Variants in CLCN5 observed in about 807,000 individuals in gnomAD.
The protein encoded by CLCN5 is Cl-/H+ antiporter 5.
A neutral mutation model predicts 54.0 loss-of-function variants in CLCN5; 17 were observed. The observed-to-expected ratio is 0.31, with a 90% CI of 0.22 to 0.47. CLCN5 has a LOEUF of 0.47. CLCN5 is among the 20% of genes least tolerant of loss of function. CLCN5 has a pLI of 1.00. For synonymous variants in CLCN5, 222 were observed against 233.0 expected (o/e 0.95, Z 0.43); for missense variants, 448 against 646.7 (o/e 0.69, Z 3.33).
intron 3 of CLCN5, among the ~76,000 whole-genome samples, chrX:49,973,148 T>C (rs900956951): frequency 9.0e-6 from 1 of 111,377 alleles, no homozygotes; most frequent in Non-Finnish European, 1.9e-5. Context: ...GATTGTCCCC[T>C]CACCCATCTC....
In CLCN5 at chrX:50,086,722, T is replaced by C; in HGVS notation, c.1409T>C (p.Leu470Pro). ...NDCGLLDSSK[L>P]CDYENRFNTS... Reference sequence around the variant, plus strand: ...TGTGGCCTTCTGGACTCCTCCAAGCTCTGTGATTATGAGAACCGTTTCAAC... The same window carrying C: ...TGTGGCCTTCTGGACTCCTCCAAGCCCTGTGATTATGAGAACCGTTTCAAC... Residue 470 changes from leucine (L) to proline (P), a missense_variant, in exon 11 of 15, where the codon CTC (leucine) becomes CCC (proline). By Grantham distance (98) the Leu-to-Pro change is moderately conservative. Transcript: ENST00000376091. 1 of 1,211,007 alleles carries C rather than the reference T, an allele frequency of 8.3e-7. No individual in the cohort carries two copies. Among genetic ancestry groups the C allele is most frequent in the Non-Finnish European group, 1.1e-6 (1 of 895,464 alleles).
At chrX:50,011,711 A>G (rs781975430) in intron 3 of CLCN5, among the ~76,000 whole-genome samples, 2 of 112,579 alleles carry the variant, frequency 1.8e-5, no homozygotes, top group African/African-American at 6.4e-5. Context: ...GCTGCTCTGT[A>G]TAGGAGAGAT....
At chrX:49,972,850 C>T (rs1378756470) in intron 3 of CLCN5, among the ~76,000 whole-genome samples, 1 of 111,893 alleles carries the variant, frequency 8.9e-6, no homozygotes, top group Non-Finnish European at 1.9e-5. Flanking sequence ...AAGTGATCAT[C>T]ATTCTTAAAC....
At chrX:49,996,294 T>A (rs1378857509) in intron 3 of CLCN5, among the ~76,000 whole-genome samples, 1 of 111,718 alleles carries the variant, frequency 9.0e-6, no homozygotes, top group African/African-American at 3.3e-5. Context: ...CACACCCCAT[T>A]ACTTCCTTTC....
At chrX:49,960,615 G>C (rs1557174531) in intron 3 of CLCN5, among the ~76,000 whole-genome samples, 2 of 109,351 alleles carry the variant, frequency 1.8e-5, no homozygotes, top group Non-Finnish European at 3.8e-5. Flanking sequence ...ATTTCCATGG[G>C]TACTTTCATC....
intron 7 of CLCN5, among the ~76,000 whole-genome samples, chrX:50,078,911 C>T (rs1933556324): frequency 8.9e-6 from 1 of 111,911 alleles, no homozygotes; most frequent in African/African-American, 3.3e-5. Flanking sequence ...CAAGCTCCGC[C>T]TCCCGGGTTC....
rs144207967 is a variant in CLCN5, at chrX:50,090,706, C to G, written c.2180C>G (p.Thr727Ser). 1.8e-4 allele frequency: 220 copies of G among 1,208,553 alleles called. No individual in the cohort carries two copies. The African/African-American group carries it at 3.5e-3, about 19-fold the overall frequency. Reference protein sequence around the residue: ...ARKKQDGVVSTSIIYFTEHSP... With the variant: ...ARKKQDGVVSSSIIYFTEHSP... ...AAGAAACAGGATGGGGTTGTTAGCA[C>G]TTCCATCATTTATTTCACGGAGCAT... The change falls in exon 14 of 15, where the codon ACT (threonine) becomes AGT (serine). Residue 727 changes from threonine to serine, a missense_variant. This residue lies in a region of CLCN5 where 297 missense variants were observed against 470.4 expected (regional missense o/e 0.63). Coordinates refer to ENST00000376091, the MANE Select transcript of CLCN5 (RefSeq NM_001127898.4).
intron 7 of CLCN5, 84 bp from the exon 8 acceptor site, chrX:50,080,510 C>G: frequency 8.7e-5 from 51 of 588,779 alleles, no homozygotes; most frequent in Non-Finnish European, 8.1e-5. Context: ...GACTTTTTTT[C>G]CTGAAAAAAC....
At chrX:49,990,250 T>G (rs1423464748) in intron 3 of CLCN5, among the ~76,000 whole-genome samples, 2 of 108,993 alleles carry the variant, frequency 1.8e-5, no homozygotes, top group Non-Finnish European at 3.8e-5. Context: ...CTGCAACCTC[T>G]GCCTCCCGGG....
chrX:49,993,579 A>G (rs932213208), intron 3 of CLCN5, among the ~76,000 whole-genome samples: 3 of 112,420 alleles, frequency 2.7e-5, no homozygotes, highest in East Asian at 5.6e-4. Flanking sequence ...TTGAGCAACT[A>G]TTGTGTATCT....
At chrX:49,924,566 A>T (rs1214429292) in intron 2 of CLCN5, among the ~76,000 whole-genome samples, 1 of 112,260 alleles carries the variant, frequency 8.9e-6, no homozygotes, top group Non-Finnish European at 1.9e-5. Context: ...TTCCATTTTT[A>T]CATTTTTCTT....
At chrX:50,001,147 G>A (rs1192709336) in intron 3 of CLCN5, among the ~76,000 whole-genome samples, 1 of 110,281 alleles carries the variant, frequency 9.1e-6, no homozygotes, top group Admixed American at 9.7e-5. Flanking sequence ...GGCACATGTA[G>A]CCAGGACCAG....
At chrX:49,953,084 C>T (rs1344770992) in intron 3 of CLCN5, among the ~76,000 whole-genome samples, 1 of 110,910 alleles carries the variant, frequency 9.0e-6, no homozygotes, top group Non-Finnish European at 1.9e-5. Flanking sequence ...AGGGTTTCTC[C>T]ATGTTGGTCA....
intron 3 of CLCN5, among the ~76,000 whole-genome samples, chrX:49,943,666 TC>T (rs1926516857): frequency 9.0e-6 from 1 of 111,011 alleles, no homozygotes; most frequent in Non-Finnish European, 1.9e-5. Flanking sequence ...GGGAATCCTT[TC>T]CCCATTGCTT....
intron 4 of CLCN5, among the ~76,000 whole-genome samples, chrX:50,068,858 T>G (rs1933128086): frequency 8.9e-6 from 1 of 112,137 alleles, no homozygotes; most frequent in African/African-American, 3.2e-5. Flanking sequence ...TTCCCCAGTG[T>G]GCATTTGCAT....
At chrX:49,979,944 C>A (rs782182474) in intron 3 of CLCN5, among the ~76,000 whole-genome samples, 1 of 111,405 alleles carries the variant, frequency 9.0e-6, no homozygotes, top group South Asian at 3.8e-4. Context: ...AATTCTGCTG[C>A]CTTGCTGGCT....
At chrX:49,982,464 A>G (rs1928784047) in intron 3 of CLCN5, among the ~76,000 whole-genome samples, 1 of 111,405 alleles carries the variant, frequency 9.0e-6, no homozygotes, top group African/African-American at 3.3e-5. Context: ...CCTTTTCAGT[A>G]AATGCAGCAA....
chrX:49,992,033 A>G (rs1557179039), intron 3 of CLCN5, among the ~76,000 whole-genome samples: 1 of 110,941 alleles, frequency 9.0e-6, no homozygotes, highest in Admixed American at 9.6e-5. Context: ...CCAAATCTAT[A>G]GGGTCTTTCA....
rs781953806 is a variant in CLCN5 at position 50,072,719 on chromosome X, T to C, written c.415+131T>C. 471 of 527,841 alleles carry C rather than the reference T, an allele frequency of 8.9e-4. 2 individuals are homozygous for C. The African/African-American group carries it at 9.8e-3, about 11-fold the overall frequency. 43.5% of individuals were successfully genotyped at this position (527,841 alleles called of 1,213,427 possible). On this transcript the variant is annotated intron_variant, in intron 6 of 14. Transcript: ENST00000376091. ...TTAAATGAATTGCTGGTGAACCTTA[T>C]AGAAGCTCAATGTCCCCATCTGTAA...
Sources: gnomAD v4.1 joint callset for allele counts (sites outside exome capture counted in the v4.1 genomes callset) on GRCh38, gnomAD v4.1.1 for gene constraint, gnomAD v4.1.1 regional missense constraint, MANE v1.5 for transcripts, NCBI Gene and HGNC (gene_info 2026-07-23, HGNC 2026-07-21) for gene names.